PRMT3: variants seen among roughly 807,000 people sequenced by gnomAD.
PRMT3 encodes protein arginine methyltransferase 3.
In PRMT3, 62 loss-of-function variants were observed where a neutral mutation model predicts 71.9. That is an observed-to-expected ratio of 0.86 (90% CI 0.70 to 1.07). The LOEUF (loss-of-function observed/expected upper bound fraction) is 1.07, where lower values mean the gene tolerates loss of function less well. PRMT3 is among the 50% of genes least tolerant of loss of function. The pLI is 0.00. For missense variants in PRMT3, 663 were observed against 643.0 expected (o/e 1.03, Z -0.34); for synonymous variants, 213 against 220.4 (o/e 0.97, Z 0.30).
At chr11:20,425,119 A>G (rs555833485) in intron 9 of PRMT3, among the ~76,000 whole-genome samples, 17 of 152,216 alleles carry the variant, frequency 1.1e-4, no homozygotes, top group South Asian at 2.1e-4. Flanking sequence ...AAAAAAAAAA[A>G]AAAGAAAGAA....
intron 13 of PRMT3, among the ~76,000 whole-genome samples, chr11:20,468,504 G>A (rs1003939147): frequency 2.6e-5 from 4 of 152,114 alleles, no homozygotes; most frequent in Admixed American, 2.6e-4. Context: ...TAGTAGCTGG[G>A]ACTGCAGATG....
At position 20,508,538 on chromosome 11, in the gene PRMT3, A is replaced by T; in HGVS notation, c.*125A>T. Reference sequence around the variant, plus strand: ...GACCCTTTCCTAATGAGCCTCCTCAATAAGAGAGAAGTTCTCATTGTGGGA... The same window carrying T: ...GACCCTTTCCTAATGAGCCTCCTCATTAAGAGAGAAGTTCTCATTGTGGGA... On this transcript the variant is annotated 3_prime_UTR_variant, in exon 16 of 16. Transcript: ENST00000331079. The T allele has an allele frequency of 1.4e-6, 1 of 732,458 alleles. No individual in the cohort carries two copies. Among genetic ancestry groups the T allele is most frequent in the Non-Finnish European group, 2.5e-6 (1 of 400,376 alleles). The allele number at this position is 732,458 out of a possible 1,614,324, so 45.4% of individuals were successfully genotyped here.
At chr11:20,430,257 A>C (rs1220537591) in intron 10 of PRMT3, among the ~76,000 whole-genome samples, 1 of 152,202 alleles carries the variant, frequency 6.6e-6, no homozygotes, top group Non-Finnish European at 1.5e-5. Context: ...GAAAGACAAA[A>C]ATAGAATATA....
At chr11:20,469,917 A>G (rs1362211422) in intron 13 of PRMT3, among the ~76,000 whole-genome samples, 3 of 152,052 alleles carry the variant, frequency 2.0e-5, no homozygotes, top group African/African-American at 4.8e-5. Flanking sequence ...TTTTTCTTTT[A>G]CTACAGTTGT....
Position 20,422,306 on chromosome 11 carries a change from A to G in PRMT3, c.894-4460A>G, listed in dbSNP as rs1212075262. On this transcript the variant is annotated intron_variant, in intron 9 of 15. Coordinates refer to ENST00000331079, the MANE Select transcript of PRMT3 (RefSeq NM_005788.4). ...ACAGTTTCTTTTTTTTTTACTGAAT[A>G]CTCTCAGAACATAGTAGTCCCCGAA... Among the ~76,000 whole-genome samples the G allele has an allele frequency of 2.0e-5, 3 of 151,776 alleles. No homozygotes were observed. The East Asian group carries it at 5.8e-4, about 29-fold the overall frequency.
chr11:20,388,176 G>A, intron 2 of PRMT3, 22 bp downstream of exon 2: 2 of 1,613,696 alleles, frequency 1.2e-6, no homozygotes, highest in South Asian at 2.2e-5. Flanking sequence ...TCAGCGCCTG[G>A]CCTCTGCCCT....
In PRMT3 at chr11:20,456,975, G is replaced by A. The variant is rs148221736; in HGVS notation, c.1072+4767G>A. ...TGCAACCTTTGCCTTCTGGGTGTAA[G>A]CAATTCTCCTGCCTCAGCCTCTCGA... On this transcript the variant is annotated intron_variant, in intron 11 of 15. Coordinates refer to ENST00000331079, the MANE Select transcript of PRMT3 (RefSeq NM_005788.4). Among the ~76,000 whole-genome samples the A allele has an allele frequency of 4.0e-3, 607 of 152,222 alleles. 6 individuals are homozygous for A. Among genetic ancestry groups the A allele is most frequent in the Non-Finnish European group, 4.1e-3 (277 of 68,004 alleles).
At chr11:20,479,521 A>G (rs528556441) in intron 13 of PRMT3, among the ~76,000 whole-genome samples, 24 of 152,304 alleles carry the variant, frequency 1.6e-4, no homozygotes, top group African/African-American at 4.3e-4. Context: ...TATCTAAGAA[A>G]ATGTCCGTCT....
intron 5 of PRMT3, among the ~76,000 whole-genome samples, chr11:20,394,404 G>C (rs1177473993): frequency 6.6e-6 from 1 of 151,856 alleles, no homozygotes; most frequent in Non-Finnish European, 1.5e-5. Context: ...AAAAATTATT[G>C]AATGTGTAGA....
intron 10 of PRMT3, among the ~76,000 whole-genome samples, chr11:20,451,260 T>C (rs1305185762): frequency 1.3e-5 from 2 of 152,248 alleles, no homozygotes; most frequent in African/African-American, 4.8e-5. Context: ...ATGAATTTTA[T>C]TTCCATGAAC....
At chr11:20,482,510 C>T (rs1415694532) in intron 13 of PRMT3, among the ~76,000 whole-genome samples, 1 of 152,030 alleles carries the variant, frequency 6.6e-6, no homozygotes, top group Non-Finnish European at 1.5e-5. Context: ...TAAGAGTGGA[C>T]TCTTGATTAG....
At chr11:20,492,968 C>T (rs1374506015) in intron 13 of PRMT3, among the ~76,000 whole-genome samples, 2 of 151,404 alleles carry the variant, frequency 1.3e-5, no homozygotes, top group South Asian at 2.1e-4. Context: ...CTGACCAACA[C>T]GGTGAAACCC....
intron 8 of PRMT3, among the ~76,000 whole-genome samples, chr11:20,403,437 GCTTTATTTTAATA>G (rs1319172575): frequency 6.6e-6 from 1 of 152,000 alleles, no homozygotes; most frequent in African/African-American, 2.4e-5. Flanking sequence ...TAGTTTATAT[GCTTTATTTTAATA>G]CTTTATTTAC....
rs1289307998 is a variant in PRMT3 at position 20,404,238 on chromosome 11, T to G, written c.771+1254T>G. On this transcript the variant is annotated intron_variant, in intron 8 of 15. Coordinates refer to ENST00000331079, the MANE Select transcript of PRMT3 (RefSeq NM_005788.4). ...TTTTTTTTTTTTTTTTTTTTTTTTT[T>G]TTTTTTTTTTTTTTGAGACAGAGTC... Among the ~76,000 whole-genome samples, 306 of 117,718 alleles carry G rather than the reference T, an allele frequency of 2.6e-3. 13 individuals are homozygous for G. Among genetic ancestry groups the G allele is most frequent in the East Asian group, 0.024 (100 of 4,164 alleles). 77.2% of individuals were successfully genotyped at this position (117,718 alleles called of 152,430 possible).
At position 20,389,973 on chromosome 11, in the gene PRMT3, G is replaced by A. The variant is rs1025443031; in HGVS notation, c.247+147G>A. 3.0e-5 allele frequency: 17 copies of A among 562,426 alleles called. No homozygotes were observed. In the Admixed American group the frequency reaches 5.1e-4, roughly 17 times the overall value. 34.8% of individuals were successfully genotyped at this position (562,426 alleles called of 1,614,324 possible). ...TCAAGACCAGCCTGGCCAACATGCTGAAACCCCACCTGTACTAAAATACAA... is the reference window on the plus strand; with the variant it reads ...TCAAGACCAGCCTGGCCAACATGCTAAAACCCCACCTGTACTAAAATACAA... On this transcript the variant is annotated intron_variant, in intron 3 of 15. Coordinates refer to ENST00000331079, the MANE Select transcript of PRMT3 (RefSeq NM_005788.4).
At chr11:20,486,726 T>G (rs994059256) in intron 13 of PRMT3, among the ~76,000 whole-genome samples, 1 of 152,136 alleles carries the variant, frequency 6.6e-6, no homozygotes, top group African/African-American at 2.4e-5. Flanking sequence ...CTGCCAACCC[T>G]GAGTTTAACC....
intron 15 of PRMT3, among the ~76,000 whole-genome samples, chr11:20,507,927 T>C (rs906967356): frequency 6.6e-6 from 1 of 151,638 alleles, no homozygotes; most frequent in Non-Finnish European, 1.5e-5. Context: ...GCCAACATGG[T>C]GAAACCCCAT....
chr11:20,423,967 G>A (rs1461033294), intron 9 of PRMT3, among the ~76,000 whole-genome samples: 2 of 150,350 alleles, frequency 1.3e-5, no homozygotes, highest in Non-Finnish European at 3.0e-5. Flanking sequence ...GGTGGATCAC[G>A]AGGTTAGGAG....
At chr11:20,390,718 G>A (rs533727517) in intron 3 of PRMT3, among the ~76,000 whole-genome samples, 1 of 152,340 alleles carries the variant, frequency 6.6e-6, no homozygotes, top group South Asian at 2.1e-4. Flanking sequence ...TGTGGCTCAC[G>A]CCTGTGATTC....
Sources: gnomAD v4.1 joint callset for allele counts (sites outside exome capture counted in the v4.1 genomes callset) on GRCh38, gnomAD v4.1.1 for gene constraint, MANE v1.5 for transcripts, NCBI Gene and HGNC (gene_info 2026-07-23, HGNC 2026-07-21) for gene names.